PALS2: variants seen among roughly 807,000 people sequenced by gnomAD.
The protein encoded by PALS2 is protein associated with LIN7 2, MAGUK p55 family member.
A neutral mutation model predicts 61.6 loss-of-function variants in PALS2; 27 were observed. The observed-to-expected ratio is 0.44, with a 90% CI of 0.32 to 0.60. The LOEUF is 0.60. Ranked by LOEUF, PALS2 falls within the 20% of genes least tolerant of loss-of-function variation. The pLI is 0.05. For missense variants in PALS2, 554 were observed against 639.4 expected, an observed-to-expected ratio of 0.87 and a Z score of 1.44; for synonymous variants, 236 against 218.6, an observed-to-expected ratio of 1.08 and a Z score of -0.70.
At chr7:24,614,807 A>G (rs1210337107) in intron 1 of PALS2, among the ~76,000 whole-genome samples, 1 of 151,972 alleles carries the variant, frequency 6.6e-6, no homozygotes, top group Non-Finnish European at 1.5e-5. Flanking sequence ...CACATGAAAC[A>G]TTTTCTAGGA....
At position 24,685,651 on chromosome 7, in the gene PALS2, T is replaced by G. The variant is rs943780343; in HGVS notation, c.1447-1787T>G. Among the ~76,000 whole-genome samples the G allele has an allele frequency of 2.3e-3, 303 of 131,402 alleles. 1 individual carries two copies. Among genetic ancestry groups the G allele is most frequent in the Non-Finnish European group, 4.0e-3 (243 of 60,176 alleles). The allele number at this position is 131,402 out of a possible 152,430, so 86.2% of individuals were successfully genotyped here. A position where few individuals can be genotyped will look rare whatever the true frequency, so the allele number is the denominator to read the frequency against. On this transcript the variant is annotated intron_variant, in intron 11 of 11. Transcript: ENST00000222644. Reference sequence around the variant, plus strand: ...TACTCCGTTATTGTTAACAGGGTTTTTTTTTTTTTTTTTTTTTAACAAATC... The same window carrying G: ...TACTCCGTTATTGTTAACAGGGTTTGTTTTTTTTTTTTTTTTTAACAAATC...
At chr7:24,648,609 T>C (rs1785968742) in intron 3 of PALS2, among the ~76,000 whole-genome samples, 1 of 152,008 alleles carries the variant, frequency 6.6e-6, no homozygotes, top group Admixed American at 6.6e-5. Context: ...ATTATTCTTT[T>C]AGGATAAGAA....
At chr7:24,579,386 T>C (rs1161026879) in intron 1 of PALS2, among the ~76,000 whole-genome samples, 3 of 152,204 alleles carry the variant, frequency 2.0e-5, no homozygotes, top group South Asian at 4.1e-4. Flanking sequence ...GCTGGAAATA[T>C]GCCTTAATTG....
intron 1 of PALS2, among the ~76,000 whole-genome samples, chr7:24,605,173 C>A (rs75973137): frequency 0.063 from 9,596 of 152,182 alleles, 350 homozygotes; most frequent in African/African-American, 0.093. Context: ...CAACATTTTA[C>A]TATTACTAAA....
At chr7:24,683,317 G>T (rs548761197) in intron 11 of PALS2, among the ~76,000 whole-genome samples, 1 of 152,184 alleles carries the variant, frequency 6.6e-6, no homozygotes, top group East Asian at 1.9e-4. Flanking sequence ...TTGTAGGTCA[G>T]CTTTCAGAAT....
At position 24,583,489 on chromosome 7, in the gene PALS2, T is replaced by C. The variant is rs1172756053; in HGVS notation, c.-3+9896T>C. ...TGCTATTCAATTTGGAAATACCAGA[T>C]ACTATACAATTAGTTTCCATTCACC... On this transcript the variant is annotated intron_variant, in intron 1 of 11. Transcript: ENST00000222644. Among the ~76,000 whole-genome samples, 6 of 152,156 alleles carry C rather than the reference T, an allele frequency of 3.9e-5. No individual in the cohort carries two copies. In the East Asian group the frequency reaches 1.2e-3, roughly 29 times the overall value.
intron 2 of PALS2, among the ~76,000 whole-genome samples, chr7:24,636,212 CAAAAAAAAA>C (rs553687246): frequency 1.5e-5 from 1 of 65,348 alleles, no homozygotes; most frequent in Non-Finnish European, 3.1e-5. Context: ...AACTCTATCT[CAAAAAAAAA>C]AAAAAAAAAA....
Position 24,651,954 on chromosome 7 carries a change from AATAG to A in PALS2, c.651+1247_651+1250del, listed in dbSNP as rs1349791619. Among the ~76,000 whole-genome samples, 10 of 152,354 alleles carry A rather than the reference AATAG, an allele frequency of 6.6e-5. No homozygotes were observed. The East Asian group carries it at 7.7e-4, about 12-fold the overall frequency. On this transcript the variant is annotated intron_variant, in intron 5 of 11. Coordinates refer to ENST00000222644, the MANE Select transcript of PALS2 (RefSeq NM_001303037.2). ...TTAGCATGTAAATTGAACTTATGAA[AATAG>A]ATAGGCTTGTAATTAACTTTGGTTG...
At position 24,591,833 on chromosome 7, in the gene PALS2, A is replaced by G. The variant is rs1221757204; in HGVS notation, c.-3+18240A>G. ...TAACATTGTACTCATAGCCAAGCTT[A>G]CCATATCTTATGCCTGAACAAAGCT... is the stretch of plus-strand genomic sequence containing the variant. On this transcript the variant is annotated intron_variant, in intron 1 of 11. Coordinates refer to ENST00000222644, the MANE Select transcript of PALS2 (RefSeq NM_001303037.2). 6.6e-5 allele frequency among the ~76,000 whole-genome samples: 10 copies of G among 152,232 alleles called. No individual in the cohort carries two copies. The East Asian group carries it at 1.9e-3, about 29-fold the overall frequency.
chr7:24,655,442 G>A (rs1300932385), intron 5 of PALS2, among the ~76,000 whole-genome samples: 2 of 152,042 alleles, frequency 1.3e-5, no homozygotes, highest in African/African-American at 4.8e-5. Context: ...ACCGAATGAT[G>A]GGATGGGATG....
chr7:24,667,152 A>T (rs151065182), intron 8 of PALS2, among the ~76,000 whole-genome samples: 1 of 152,326 alleles, frequency 6.6e-6, no homozygotes, highest in South Asian at 2.1e-4. Flanking sequence ...TGAGAGTTAC[A>T]GTAATAACAG....
chr7:24,621,460 A>C (rs1784514237), intron 1 of PALS2, among the ~76,000 whole-genome samples: 1 of 152,122 alleles, frequency 6.6e-6, no homozygotes, highest in African/African-American at 2.4e-5. Flanking sequence ...AACACTATTG[A>C]TTTTGTTTTT....
chr7:24,625,951 C>T (rs1197041606), intron 2 of PALS2, among the ~76,000 whole-genome samples: 1 of 151,780 alleles, frequency 6.6e-6, no homozygotes, highest in African/African-American at 2.4e-5. Context: ...CTCAGTATAA[C>T]AAATAGAAGG....
intron 1 of PALS2, among the ~76,000 whole-genome samples, chr7:24,588,555 A>G (rs1266386985): frequency 6.6e-6 from 1 of 152,102 alleles, no homozygotes. Context: ...GATTTTTTTC[A>G]TATACTGTTT....
intron 9 of PALS2, among the ~76,000 whole-genome samples, 155 bp downstream of exon 9, chr7:24,668,815 G>T (rs1583982592): frequency 1.3e-5 from 2 of 152,198 alleles, no homozygotes; most frequent in Non-Finnish European, 1.5e-5. Flanking sequence ...GAAAAATTTA[G>T]TAATTCTGTA....
At chr7:24,682,134 G>A (rs935891927) in intron 11 of PALS2, among the ~76,000 whole-genome samples, 1 of 151,982 alleles carries the variant, frequency 6.6e-6, no homozygotes, top group East Asian at 1.9e-4. Context: ...AATGTGTTAG[G>A]TAAGACCCAA....
intron 2 of PALS2, among the ~76,000 whole-genome samples, chr7:24,624,656 G>C (rs943285059): frequency 7.8e-6 from 1 of 128,458 alleles, no homozygotes; most frequent in South Asian, 2.4e-4. Flanking sequence ...TCCCAGGCTG[G>C]AGTGCACTGG....
At chr7:24,665,925 G>T in intron 7 of PALS2, 96 bp from the exon 8 acceptor site, 1 of 1,204,648 alleles carries the variant, frequency 8.3e-7, no homozygotes, top group Non-Finnish European at 1.2e-6. Flanking sequence ...ATGCCACATT[G>T]GGGAGATAAT....
At chr7:24,682,788 A>AAAT (rs1229794042) in intron 11 of PALS2, among the ~76,000 whole-genome samples, 16 of 151,922 alleles carry the variant, frequency 1.1e-4, no homozygotes, top group South Asian at 2.1e-4. Context: ...TTAGTTGTTA[A>AAAT]AATAATAATA....
Sources: gnomAD v4.1 joint callset for allele counts (sites outside exome capture counted in the v4.1 genomes callset) on GRCh38, gnomAD v4.1.1 for gene constraint, MANE v1.5 for transcripts, NCBI Gene and HGNC (gene_info 2026-07-23, HGNC 2026-07-21) for gene names.